Variants in SLC8A1 observed in about 807,000 individuals in gnomAD.
SLC8A1 encodes the protein solute carrier family 8 member A1.
In SLC8A1, 18 loss-of-function variants were observed where a neutral mutation model predicts 68.3. That is an observed-to-expected ratio of 0.26 (90% CI 0.18 to 0.39). SLC8A1 has a LOEUF of 0.39. Among genes scored for constraint, SLC8A1 ranks in the 10% least tolerant of loss-of-function variants. The pLI is 1.00. For missense variants in SLC8A1, 985 were observed against 1,156.7 expected, an observed-to-expected ratio of 0.85 and a Z score of 2.15; for synonymous variants, 475 against 415.5, an observed-to-expected ratio of 1.14 and a Z score of -1.74.
At chr2:40,475,244 C>T (rs951447247) in intron 1 of SLC8A1, among the ~76,000 whole-genome samples, 3 of 152,148 alleles carry the variant, frequency 2.0e-5, no homozygotes, top group Non-Finnish European at 2.9e-5. Context: ...CGCCATTCTC[C>T]TGCCTCAGCC....
intron 2 of SLC8A1, among the ~76,000 whole-genome samples, chr2:40,308,296 T>G (rs1414348737): frequency 1.3e-5 from 2 of 152,210 alleles, no homozygotes. Flanking sequence ...AGCCTTCAGA[T>G]CTGCATTCTC....
At chr2:40,332,107 G>A (rs1310529434) in intron 2 of SLC8A1, among the ~76,000 whole-genome samples, 1 of 152,068 alleles carries the variant, frequency 6.6e-6, no homozygotes, top group Non-Finnish European at 1.5e-5. Flanking sequence ...CAGCCATAGT[G>A]CCTGGCAGTG....
Position 40,419,678 on chromosome 2 carries a change from G to T in SLC8A1, c.1808+8795C>A, listed in dbSNP as rs539117413. Among the ~76,000 whole-genome samples the T allele has an allele frequency of 2.6e-5, 4 of 152,268 alleles. No homozygotes were observed. In the East Asian group the frequency reaches 7.7e-4, roughly 29 times the overall value. On this transcript the variant is annotated intron_variant, in intron 2 of 7. Transcript: ENST00000406785. ...CAAGATTGTAATGGTTAGTGTGCAA[G>T]AAGGAAACTTATCCTTGTAACATTA... is the stretch of plus-strand genomic sequence containing the variant.
chr2:40,357,459 T>A (rs992935885), intron 2 of SLC8A1, among the ~76,000 whole-genome samples: 1 of 139,004 alleles, frequency 7.2e-6, no homozygotes, highest in Admixed American at 8.0e-5. Context: ...ATCATGCCAC[T>A]GCATGCCGGC....
At chr2:40,184,636 G>C (rs555029254) in intron 2 of SLC8A1, among the ~76,000 whole-genome samples, 1 of 152,052 alleles carries the variant, frequency 6.6e-6, no homozygotes, top group Non-Finnish European at 1.5e-5. Context: ...TTCAGTTGCC[G>C]CAGAAGACAG....
chr2:40,311,031 T>A (rs1365715862), intron 2 of SLC8A1, among the ~76,000 whole-genome samples: 4 of 152,292 alleles, frequency 2.6e-5, no homozygotes, highest in African/African-American at 9.6e-5. Context: ...GTTTAGAAAC[T>A]GAGAGAAATA....
intron 2 of SLC8A1, among the ~76,000 whole-genome samples, chr2:40,333,054 A>C (rs1171890800): frequency 6.6e-6 from 1 of 152,234 alleles, no homozygotes; most frequent in Non-Finnish European, 1.5e-5. Flanking sequence ...TTAGAATTTT[A>C]GAGCTTCCAA....
chr2:40,119,292 T>C (rs2036242845), intron 7 of SLC8A1, among the ~76,000 whole-genome samples: 1 of 151,676 alleles, frequency 6.6e-6, no homozygotes. Flanking sequence ...GGGTTAGACA[T>C]CAGGCCTTTT....
intron 2 of SLC8A1, among the ~76,000 whole-genome samples, chr2:40,401,183 T>C (rs1688614465): frequency 6.6e-6 from 1 of 152,200 alleles, no homozygotes; most frequent in South Asian, 2.1e-4. Flanking sequence ...TCTAAGACAT[T>C]TCTCTGTGGC....
At chr2:40,259,128 ATGGCTCAGAGT>A (rs2064346468) in intron 2 of SLC8A1, among the ~76,000 whole-genome samples, 2 of 152,166 alleles carry the variant, frequency 1.3e-5, no homozygotes, top group Non-Finnish European at 2.9e-5. Flanking sequence ...AGATTTCTGG[ATGGCTCAGAGT>A]TGAAATGGAC....
intron 3 of SLC8A1, among the ~76,000 whole-genome samples, chr2:40,177,217 T>C (rs1239923263): frequency 2.0e-5 from 3 of 152,184 alleles, no homozygotes; most frequent in Non-Finnish European, 4.4e-5. Flanking sequence ...ATACTACTCT[T>C]TAAGGATCTT....
chr2:40,412,859 A>C (rs569879899), intron 2 of SLC8A1, among the ~76,000 whole-genome samples: 1 of 152,288 alleles, frequency 6.6e-6, no homozygotes, highest in South Asian at 2.1e-4. Flanking sequence ...ATATCCTCTG[A>C]AATGCTAGAG....
At chr2:40,292,401 T>A (rs2069496540) in intron 2 of SLC8A1, among the ~76,000 whole-genome samples, 1 of 152,104 alleles carries the variant, frequency 6.6e-6, no homozygotes, top group African/African-American at 2.4e-5. Flanking sequence ...ACAGGGACTC[T>A]CACATAGAGC....
At chr2:40,353,542 A>G (rs1211904448) in intron 2 of SLC8A1, among the ~76,000 whole-genome samples, 1 of 152,052 alleles carries the variant, frequency 6.6e-6, no homozygotes, top group African/African-American at 2.4e-5. Flanking sequence ...CAACATTCTA[A>G]TATTACAAGT....
chr2:40,192,077 G>T (rs1320037428), intron 2 of SLC8A1, among the ~76,000 whole-genome samples: 4 of 151,998 alleles, frequency 2.6e-5, no homozygotes, highest in Non-Finnish European at 4.4e-5. Context: ...GGTTAATATG[G>T]AAAACAAATA....
chr2:40,398,473 A>G (rs1687685044), intron 2 of SLC8A1, among the ~76,000 whole-genome samples: 1 of 152,262 alleles, frequency 6.6e-6, no homozygotes, highest in South Asian at 2.1e-4. Context: ...CAATTTCATT[A>G]TAAAAAGCAG....
intron 2 of SLC8A1, among the ~76,000 whole-genome samples, chr2:40,308,373 T>C (rs572749786): frequency 6.6e-6 from 1 of 152,256 alleles, no homozygotes; most frequent in Admixed American, 6.5e-5. Flanking sequence ...TCTGCAAAGG[T>C]AGACACTTTT....
intron 2 of SLC8A1, among the ~76,000 whole-genome samples, chr2:40,246,278 A>G (rs2061854310): frequency 6.6e-6 from 1 of 152,238 alleles, no homozygotes; most frequent in Admixed American, 6.5e-5. Context: ...CATTCTCAAC[A>G]GGGGAAACTT....
chr2:40,138,252 A>C (rs2040897333), intron 7 of SLC8A1, among the ~76,000 whole-genome samples: 1 of 152,220 alleles, frequency 6.6e-6, no homozygotes, highest in African/African-American at 2.4e-5. Flanking sequence ...GAGTAGAAAG[A>C]AATACATGAT....
Sources: allele counts gnomAD v4.1 joint callset (sites outside exome capture counted in the v4.1 genomes callset), GRCh38; gene constraint gnomAD v4.1.1; transcripts MANE v1.5; gene names NCBI Gene and HGNC (gene_info 2026-07-23, HGNC 2026-07-21).